Variants in OSBPL10 observed in about 807,000 individuals in gnomAD.
OSBPL10 encodes the protein oxysterol binding protein like 10.
OSBPL10 carries 49 observed loss-of-function variants against 81.7 expected under a neutral mutation model. The observed-to-expected ratio is 0.60, with a 90% CI of 0.48 to 0.76. OSBPL10 has a LOEUF of 0.76. Ranked by LOEUF, OSBPL10 falls within the 30% of genes least tolerant of loss-of-function variation. OSBPL10 has a pLI of 0.00. For missense variants in OSBPL10, 923 were observed against 987.8 expected, an observed-to-expected ratio of 0.93 and a Z score of 0.88; for synonymous variants, 419 against 383.6, an observed-to-expected ratio of 1.09 and a Z score of -1.08.
At chr3:31,963,507 A>G (rs1055534272) in intron 1 of OSBPL10, among the ~76,000 whole-genome samples, 1 of 152,172 alleles carries the variant, frequency 6.6e-6, no homozygotes, top group South Asian at 2.1e-4. Flanking sequence ...CACAGATTCT[A>G]AAACAATGAT....
chr3:31,792,860 C>CTGTGTGTGTGTGTGTG (rs6147757), intron 4 of OSBPL10, among the ~76,000 whole-genome samples: 32 of 126,738 alleles, frequency 2.5e-4, no homozygotes, highest in East Asian at 1.1e-3. Flanking sequence ...TCTAGGCACT[C>CTGTGTGTGTGTGTGTG]TGTGTGTGTG....
intron 1 of OSBPL10, among the ~76,000 whole-genome samples, chr3:31,902,573 T>C (rs527994415): frequency 6.3e-4 from 95 of 151,832 alleles, no homozygotes; most frequent in African/African-American, 2.2e-3. Context: ...TTCCTGCCAG[T>C]GTTTTTTGAG....
At chr3:31,794,514 G>T in intron 4 of OSBPL10, 2 of 299,172 alleles carry the variant, frequency 6.7e-6, no homozygotes, top group South Asian at 9.6e-5. Flanking sequence ...AGGGCACTGT[G>T]ACCCTTGCAG....
intron 4 of OSBPL10, among the ~76,000 whole-genome samples, chr3:31,765,402 T>G (rs1438865115): frequency 6.6e-6 from 1 of 152,120 alleles, no homozygotes; most frequent in African/African-American, 2.4e-5. Flanking sequence ...CGGTGCCACT[T>G]TGTCTCTTCT....
intron 3 of OSBPL10, among the ~76,000 whole-genome samples, chr3:31,873,126 T>C (rs934184253): frequency 6.7e-6 from 1 of 150,264 alleles, no homozygotes; most frequent in Middle Eastern, 3.5e-3. Context: ...CAGTGGTGGT[T>C]ACTCGACTCT....
intron 4 of OSBPL10, among the ~76,000 whole-genome samples, chr3:31,808,904 A>G (rs1207159729): frequency 6.6e-6 from 1 of 152,244 alleles, no homozygotes; most frequent in East Asian, 1.9e-4. Flanking sequence ...ACATGCAATA[A>G]TATTTATCAA....
chr3:32,038,571 C>T (rs1575090333), intron 2 of OSBPL10, among the ~76,000 whole-genome samples: 1 of 152,180 alleles, frequency 6.6e-6, no homozygotes, highest in South Asian at 2.1e-4. Flanking sequence ...ATCCATCCAC[C>T]TCGGTCTCCC....
intron 1 of OSBPL10, among the ~76,000 whole-genome samples, chr3:31,943,966 T>C (rs1697612695): frequency 9.1e-5 from 2 of 22,080 alleles, no homozygotes; most frequent in African/African-American, 9.4e-4. Flanking sequence ...AGACTCCGTC[T>C]CAAAAAAAAA....
chr3:31,901,766 G>A (rs961621401), intron 1 of OSBPL10, among the ~76,000 whole-genome samples: 4 of 152,190 alleles, frequency 2.6e-5, no homozygotes, highest in Non-Finnish European at 5.9e-5. Context: ...AGGGCATTTA[G>A]GCCAATCGCA....
chr3:31,810,057 G>C (rs1282798773), intron 4 of OSBPL10, among the ~76,000 whole-genome samples: 1 of 151,928 alleles, frequency 6.6e-6, no homozygotes, highest in East Asian at 1.9e-4. Context: ...CTTTGATAGA[G>C]ACAGGGTCTC....
chr3:31,870,554 C>T (rs1326447472), intron 3 of OSBPL10, among the ~76,000 whole-genome samples: 2 of 152,262 alleles, frequency 1.3e-5, no homozygotes, highest in Non-Finnish European at 2.9e-5. Context: ...GTGCGGGATC[C>T]ACTGGGTGAA....
At chr3:32,043,253 C>T (rs563185650) in intron 2 of OSBPL10, among the ~76,000 whole-genome samples, 46 of 152,220 alleles carry the variant, frequency 3.0e-4, no homozygotes, top group Middle Eastern at 3.4e-3. Flanking sequence ...CTTGCACGTC[C>T]GTTTATAGGC....
chr3:32,069,481 G>C (rs1402533635), intron 1 of OSBPL10, among the ~76,000 whole-genome samples: 1 of 152,156 alleles, frequency 6.6e-6, no homozygotes, highest in South Asian at 2.1e-4. Flanking sequence ...CAAACTTAAA[G>C]AAACTACCCA....
chr3:31,756,987 G>A (rs533135776), intron 4 of OSBPL10, among the ~76,000 whole-genome samples: 23 of 152,322 alleles, frequency 1.5e-4, no homozygotes, highest in African/African-American at 5.3e-4. Flanking sequence ...GGAGGAGGTA[G>A]CAAGGAGATG....
At chr3:31,713,922 G>A (rs1168167562) in intron 6 of OSBPL10, 1 of 152,198 alleles carries the variant, frequency 6.6e-6, no homozygotes, top group East Asian at 1.9e-4. Context: ...TCGCCGCTGT[G>A]GCTTTATCAA....
At chr3:31,682,254 G>A (rs1200072865) in intron 8 of OSBPL10, among the ~76,000 whole-genome samples, 2 of 152,200 alleles carry the variant, frequency 1.3e-5, no homozygotes, top group African/African-American at 4.8e-5. Flanking sequence ...GGCTGGAGCA[G>A]TCTTGCTGAA....
chr3:31,742,446 G>T (rs1280742602), intron 5 of OSBPL10, among the ~76,000 whole-genome samples: 1 of 152,122 alleles, frequency 6.6e-6, no homozygotes, highest in African/African-American at 2.4e-5. Flanking sequence ...ATTAAATTCT[G>T]CTCTGGTTCT....
chr3:31,882,944 G>A (rs1262993080), intron 1 of OSBPL10, among the ~76,000 whole-genome samples: 1 of 152,100 alleles, frequency 6.6e-6, no homozygotes, highest in African/African-American at 2.4e-5. Context: ...TTAATGTGGG[G>A]CAAAAACCAA....
chr3:31,705,760 G>A (rs577061359), intron 6 of OSBPL10, among the ~76,000 whole-genome samples: 3 of 152,166 alleles, frequency 2.0e-5, no homozygotes, highest in South Asian at 2.1e-4. Flanking sequence ...GCCCCTGCAC[G>A]CCTCCCCTCT....
Sources: gnomAD v4.1 joint callset for allele counts (sites outside exome capture counted in the v4.1 genomes callset) on GRCh38, gnomAD v4.1.1 for gene constraint, MANE v1.5 for transcripts, NCBI Gene and HGNC (gene_info 2026-07-23, HGNC 2026-07-21) for gene names.